Variants in DNAH14 observed in about 807,000 individuals in gnomAD.
DNAH14 encodes axonemal beta dynein heavy chain 14.
DNAH14 carries 478 observed loss-of-function variants against 520.9 expected under a neutral mutation model. The ratio of observed to expected loss-of-function variants is 0.92; its 90% confidence interval spans 0.85 to 0.99. DNAH14 has a LOEUF of 0.99. Among genes scored for constraint, DNAH14 ranks in the 50% least tolerant of loss-of-function variants. The probability of loss-of-function intolerance (pLI) is 0.00; values close to 1 mark genes in which losing one functional copy is unlikely to be tolerated. For synonymous variants in DNAH14, 1,581 were observed against 1,757.2 expected (o/e 0.90, Z 2.51); for missense variants, 4,831 against 5,234.5 (o/e 0.92, Z 2.38).
chr1:225,327,733 A>C (rs936790360), intron 64 of DNAH14, among the ~76,000 whole-genome samples: 8 of 152,128 alleles, frequency 5.3e-5, no homozygotes, highest in Non-Finnish European at 1.0e-4. Context: ...GAGTAGAGAT[A>C]AACAAAATAG....
At chr1:225,146,626 C>T (rs999590299) in intron 30 of DNAH14, among the ~76,000 whole-genome samples, 12 of 152,196 alleles carry the variant, frequency 7.9e-5, no homozygotes, top group African/African-American at 2.9e-4. Flanking sequence ...TTATCTGGGC[C>T]TGTGGTTCAG....
chr1:225,206,591 T>C (rs1031509390), intron 40 of DNAH14, among the ~76,000 whole-genome samples: 2 of 152,236 alleles, frequency 1.3e-5, no homozygotes, highest in African/African-American at 4.8e-5. Flanking sequence ...AGCTATAGTC[T>C]CTATTCTCTA....
At chr1:225,082,808 A>G in intron 20 of DNAH14, 69 bp downstream of exon 20, 12 of 1,269,856 alleles carry the variant, frequency 9.4e-6, no homozygotes, top group Non-Finnish European at 1.3e-5. Context: ...ATAGGCGAGT[A>G]AATATACAAT....
chr1:225,051,481 T>A lies in DNAH14; in HGVS notation c.2110T>A (p.Ser704Thr), dbSNP rs2148314550. ...IVNLLTIIGN[S>T]MGLVNAYSHK... ...GAATCTCCTGACTATTATTGGTAAT[T>A]CAATGGGCCTAGTTAATGCTTACAG... Residue 704 changes from serine (S) to threonine (T), a missense_variant, in exon 17 of 86, where the codon TCA (serine) becomes ACA (threonine). By Grantham distance (58) the Ser-to-Thr change is moderately conservative (BLOSUM62 1). Coordinates refer to ENST00000682510, the MANE Select transcript of DNAH14 (RefSeq NM_001367479.1). 2 of 1,521,108 alleles carry A rather than the reference T, an allele frequency of 1.3e-6. No homozygotes were observed. The highest frequency in any genetic ancestry group is 4.9e-5 in the East Asian group (2 of 40,460). 94.2% of individuals were successfully genotyped at this position (1,521,108 alleles called of 1,614,324 possible).
chr1:225,073,319 A>T (rs985031078), intron 17 of DNAH14, among the ~76,000 whole-genome samples: 1 of 152,162 alleles, frequency 6.6e-6, no homozygotes, highest in Non-Finnish European at 1.5e-5. Flanking sequence ...CAAGCAGCAA[A>T]GATGGCAGCC....
intron 8 of DNAH14, among the ~76,000 whole-genome samples, chr1:224,984,563 G>T (rs993908398): frequency 2.0e-5 from 3 of 152,194 alleles, no homozygotes; most frequent in Non-Finnish European, 4.4e-5. Flanking sequence ...AAACTAAAGA[G>T]CTCTTGCACT....
At chr1:225,155,566 C>T (rs909342824) in intron 34 of DNAH14, among the ~76,000 whole-genome samples, 1 of 152,156 alleles carries the variant, frequency 6.6e-6, no homozygotes, top group East Asian at 1.9e-4. Context: ...CTCAAGTCCT[C>T]TGGATTTTAT....
At position 225,192,787 on chromosome 1, in the gene DNAH14, C is replaced by T; in HGVS notation, c.5762C>T (p.Thr1921Ile). The change falls in exon 38 of 86, where the codon ACT becomes ATT. Residue 1921 changes from threonine (T) to isoleucine (I), a missense_variant. By Grantham distance (89) the Thr-to-Ile change is moderately conservative. Coordinates refer to ENST00000682510, the MANE Select transcript of DNAH14 (RefSeq NM_001367479.1). Reference protein sequence around the residue: ...SELYGQLDPNTMEWTDGLLSA... With the variant: ...SELYGQLDPNIMEWTDGLLSA... The stretch of plus-strand genomic sequence containing the variant: ...CTATATGGACAACTGGATCCTAATA[C>T]TATGGAATGGACTGATGGATTATTA... 2 of 1,550,042 alleles carry T rather than the reference C, an allele frequency of 1.3e-6. No homozygotes were observed. The highest frequency in any genetic ancestry group is 1.7e-6 in the Non-Finnish European group (2 of 1,145,910).
intron 55 of DNAH14, 104 bp from the exon 56 acceptor site, chr1:225,300,765 T>A: frequency 8.2e-7 from 1 of 1,221,708 alleles, no homozygotes; most frequent in Non-Finnish European, 1.1e-6. Context: ...TTAGCCTCAG[T>A]TCTCCTTAAT....
At chr1:225,022,945 C>T (rs1414867492) in intron 10 of DNAH14, among the ~76,000 whole-genome samples, 1 of 152,130 alleles carries the variant, frequency 6.6e-6, no homozygotes, top group African/African-American at 2.4e-5. Context: ...TTTGCAGCAG[C>T]ATGATGCAGC....
At chr1:225,255,230 T>G (rs545959103) in intron 44 of DNAH14, among the ~76,000 whole-genome samples, 8 of 152,340 alleles carry the variant, frequency 5.3e-5, no homozygotes, top group African/African-American at 1.9e-4. Context: ...ATGTGAATTT[T>G]GTAGTAATGT....
intron 81 of DNAH14, among the ~76,000 whole-genome samples, chr1:225,382,091 A>C (rs979470838): frequency 2.6e-5 from 4 of 152,206 alleles, no homozygotes; most frequent in African/African-American, 9.6e-5. Flanking sequence ...TAGGATTAGC[A>C]CTGGCCTTTT....
rs1033934765 is a variant in DNAH14, at chr1:225,266,559, AC to A, written c.7411-78del. 1.6e-5 allele frequency: 18 copies of A among 1,094,948 alleles called. No individual in the cohort carries two copies. The African/African-American group carries it at 2.3e-4, about 14-fold the overall frequency. The allele number at this position is 1,094,948 out of a possible 1,614,324, so 67.8% of individuals were successfully genotyped here. On this transcript the variant is annotated intron_variant, in intron 48 of 85. Transcript: ENST00000682510. ...AGCATAATATTCCTAATTTGTGCTT[AC>A]CCCAACCATAATATTCCTAATTCAT...
intron 27 of DNAH14, among the ~76,000 whole-genome samples, chr1:225,124,436 A>AAT (rs1433588461): frequency 6.6e-6 from 1 of 152,212 alleles, no homozygotes; most frequent in African/African-American, 2.4e-5. Flanking sequence ...AAGTTTATGT[A>AAT]ATATACTAAA....
At chr1:225,355,689 T>G (rs1052652164) in intron 73 of DNAH14, among the ~76,000 whole-genome samples, 4 of 152,184 alleles carry the variant, frequency 2.6e-5, no homozygotes, top group Non-Finnish European at 5.9e-5. Context: ...TATACATATC[T>G]TGAAGTGAGT....
rs2067723852 is a variant in DNAH14, at chr1:225,044,076, C to G, written c.1912+93C>G. The G allele has an allele frequency of 4.4e-6, 3 of 676,538 alleles. No individual in the cohort carries two copies. In the African/African-American group the frequency reaches 5.5e-5, roughly 12 times the overall value. 41.9% of individuals were successfully genotyped at this position (676,538 alleles called of 1,614,324 possible). A position where few individuals can be genotyped will look rare whatever the true frequency, so the allele number is the denominator to read the frequency against. ...CTGATGCCTTTACCCAGGGATGTGG[C>G]AGATGTTACAGAATATTAGTATATC... is the stretch of plus-strand genomic sequence containing the variant. On this transcript the variant is annotated intron_variant, in intron 15 of 85. Transcript: ENST00000682510.
intron 17 of DNAH14, among the ~76,000 whole-genome samples, chr1:225,062,332 T>C (rs1034772858): frequency 6.6e-6 from 1 of 151,658 alleles, no homozygotes; most frequent in African/African-American, 2.4e-5. Flanking sequence ...GAAAGAGAAA[T>C]AAATAAATAA....
At chr1:225,289,844 A>T (rs12042076) in intron 54 of DNAH14, 41 bp from the exon 55 acceptor site, 7 of 1,250,350 alleles carry the variant, frequency 5.6e-6, no homozygotes, top group Admixed American at 3.9e-5. Context: ...AAAGATTCCC[A>T]GAAAATGTAT....
chr1:225,373,694 G>A (rs1314826022), intron 77 of DNAH14, among the ~76,000 whole-genome samples: 1 of 152,164 alleles, frequency 6.6e-6, no homozygotes, highest in African/African-American at 2.4e-5. Flanking sequence ...GTCGGGAGTG[G>A]AAGAAAACTT....
Sources: allele counts gnomAD v4.1 joint callset (sites outside exome capture counted in the v4.1 genomes callset), GRCh38; gene constraint gnomAD v4.1.1; transcripts MANE v1.5; gene names NCBI Gene and HGNC (gene_info 2026-07-23, HGNC 2026-07-21).